The following RAB5B variants were observed in gnomAD, a reference collection of about 807,000 sequenced individuals.
The protein encoded by RAB5B is ras-related protein Rab-5B.
RAB5B carries 11 observed loss-of-function variants against 28.6 expected under a neutral mutation model. The observed-to-expected ratio is 0.38, with a 90% CI of 0.24 to 0.64. The LOEUF is 0.64. RAB5B is among the 30% of genes least tolerant of loss of function. The probability of loss-of-function intolerance (pLI) is 0.53; values close to 1 mark genes in which losing one functional copy is unlikely to be tolerated. For missense variants in RAB5B, 169 were observed against 265.6 expected, an observed-to-expected ratio of 0.64 and a Z score of 2.53; for synonymous variants, 93 against 97.9, an observed-to-expected ratio of 0.95 and a Z score of 0.29.
intron 1 of RAB5B, among the ~76,000 whole-genome samples, chr12:55,977,105 G>A (rs911180398): frequency 6.6e-6 from 1 of 152,074 alleles, no homozygotes; most frequent in African/African-American, 2.4e-5. Flanking sequence ...CTCCAGAGTA[G>A]CTGGGATTAC....
chr12:55,981,361 G>A (rs1473696861), intron 1 of RAB5B, among the ~76,000 whole-genome samples: 4 of 152,066 alleles, frequency 2.6e-5, no homozygotes, highest in Non-Finnish European at 5.9e-5. Flanking sequence ...ACCACGCCTA[G>A]CCCAAATTGA....
At chr12:55,979,438 G>C (rs1294750475) in intron 1 of RAB5B, 1 of 152,164 alleles carries the variant, frequency 6.6e-6, no homozygotes, top group Non-Finnish European at 1.5e-5. Context: ...AGATTTTGGT[G>C]ACTTGGGTTT....
intron 1 of RAB5B, chr12:55,985,676 C>T (rs768758761): frequency 4.4e-6 from 2 of 455,842 alleles, no homozygotes; most frequent in South Asian, 3.1e-5. Context: ...TGCTTGCAGA[C>T]TTAACGCCCT....
Position 55,991,391 on chromosome 12 carries a change from T to C in RAB5B, c.470T>C (p.Leu157Ser). 6.2e-7 allele frequency: 1 copy of C among 1,614,050 alleles called. No homozygotes were observed. The highest frequency in any genetic ancestry group is 8.5e-7 in the Non-Finnish European group (1 of 1,179,960). ...EAQAYADDNS[L>S]LFMETSAKTA... Reference sequence around the variant, plus strand: ...CAGGCATATGCAGATGACAACAGCTTATTGTTCATGGAGACTTCAGCCAAG... The same window carrying C: ...CAGGCATATGCAGATGACAACAGCTCATTGTTCATGGAGACTTCAGCCAAG... The change falls in exon 5 of 6, where the codon TTA (leucine) becomes TCA (serine). Residue 157 changes from leucine to serine, a missense_variant. Around this residue, in one of 3 missense-constraint regions of RAB5B, gnomAD observed 123 missense variants for 162.4 expected, o/e 0.76. Transcript: ENST00000360299.
intron 3 of RAB5B, 66 bp downstream of exon 3, chr12:55,990,164 CTT>C (rs1890067711): frequency 6.7e-7 from 1 of 1,489,788 alleles, no homozygotes; most frequent in East Asian, 2.4e-5. Flanking sequence ...AATCCCAACA[CTT>C]TAGGATGCCA....
intron 1 of RAB5B, among the ~76,000 whole-genome samples, chr12:55,977,214 A>T (rs1889670190): frequency 6.6e-6 from 1 of 151,974 alleles, no homozygotes; most frequent in Non-Finnish European, 1.5e-5. Context: ...ACCTCAGGTG[A>T]TCCACGTGCC....
intron 1 of RAB5B, chr12:55,980,493 C>T (rs62621109): frequency 2.3e-5 from 37 of 1,591,070 alleles, no homozygotes; most frequent in African/African-American, 8.1e-5. Flanking sequence ...GGCTTGTTGC[C>T]GTTTCCTGAT....
chr12:55,978,934 A>T (rs1042211175), intron 1 of RAB5B, among the ~76,000 whole-genome samples: 1 of 151,974 alleles, frequency 6.6e-6, no homozygotes, highest in Admixed American at 6.6e-5. Context: ...CAACATGCCC[A>T]GCTAATTTTT....
rs1213643393 is a variant in RAB5B, at chr12:55,995,840, C to G, written c.*3628C>G. On this transcript the variant is annotated 3_prime_UTR_variant, in exon 6 of 6. Transcript: ENST00000360299. ...GTAGATGACACTATTAGGAAGGAGG[C>G]TTTTAGATAGTCCCTAACTGACTTC... is the stretch of plus-strand genomic sequence containing the variant. The G allele has an allele frequency of 6.7e-6, 1 of 149,578 alleles. No homozygotes were observed. The highest frequency in any genetic ancestry group is 1.5e-5 in the Non-Finnish European group (1 of 67,656). 9.3% of individuals were successfully genotyped at this position (149,578 alleles called of 1,614,324 possible).
chr12:55,978,414 G>A (rs960324491), intron 1 of RAB5B, among the ~76,000 whole-genome samples: 4 of 152,068 alleles, frequency 2.6e-5, no homozygotes, highest in Admixed American at 6.5e-5. Flanking sequence ...TGAAGCAGGA[G>A]AATGGCGTGA....
Position 55,992,650 on chromosome 12 carries a change from G to A in RAB5B, c.*438G>A, listed in dbSNP as rs1890170350. On this transcript the variant is annotated 3_prime_UTR_variant, in exon 6 of 6. Transcript: ENST00000360299. ...CTCTCCCCAGGATGCAGAAAGTGGT[G>A]AACCCAGGAACTGAGGAAGGAGGTT... 7.4e-6 allele frequency: 3 copies of A among 405,750 alleles called. No individual in the cohort carries two copies. Among genetic ancestry groups the A allele is most frequent in the Non-Finnish European group, 1.4e-5 (3 of 213,790 alleles). 25.1% of individuals were successfully genotyped at this position (405,750 alleles called of 1,614,324 possible). A position where few individuals can be genotyped will look rare whatever the true frequency, so the allele number is the denominator to read the frequency against.
intron 1 of RAB5B, among the ~76,000 whole-genome samples, chr12:55,979,104 C>T (rs780078380): frequency 1.1e-4 from 17 of 151,976 alleles, no homozygotes; most frequent in Non-Finnish European, 2.1e-4. Flanking sequence ...TGGGACCCTA[C>T]GGGCCTCTAG....
In RAB5B at chr12:55,990,025, G is replaced by A. The variant is rs1333495283; in HGVS notation, c.242G>A (p.Arg81Gln). Reference protein sequence around the residue: ...FEIWDTAGQERYHSLAPMYYR... With the variant: ...FEIWDTAGQEQYHSLAPMYYR... ...ATCTGGGACACAGCTGGGCAGGAGCGATATCACAGCTTAGCCCCCATGTAC... is the reference window on the plus strand; with the variant it reads ...ATCTGGGACACAGCTGGGCAGGAGCAATATCACAGCTTAGCCCCCATGTAC... Residue 81 changes from arginine (R) to glutamine (Q), a missense_variant, in exon 3 of 6, where the codon CGA becomes CAA. By Grantham distance (43) the Arg-to-Gln change is conservative. Transcript: ENST00000360299. The A allele has an allele frequency of 5.0e-6, 8 of 1,613,974 alleles. No individual in the cohort carries two copies. Among genetic ancestry groups the A allele is most frequent in the Non-Finnish European group, 5.9e-6 (7 of 1,179,980 alleles).
At chr12:55,985,486 C>G (rs1285765408) in intron 1 of RAB5B, 1 of 272,570 alleles carries the variant, frequency 3.7e-6, no homozygotes. Flanking sequence ...TGCTAACTTC[C>G]CTTTGAATTT....
intron 3 of RAB5B, 129 bp downstream of exon 3, chr12:55,990,227 G>A (rs1371973342): frequency 9.7e-7 from 1 of 1,030,778 alleles, no homozygotes; most frequent in Admixed American, 2.8e-5. Context: ...GGCCAACATG[G>A]TGAAACCCCG....
intron 1 of RAB5B, among the ~76,000 whole-genome samples, chr12:55,983,860 A>G (rs1042714760): frequency 4.6e-5 from 7 of 151,470 alleles, no homozygotes; most frequent in Admixed American, 2.6e-4. Flanking sequence ...CAGTCTCGCT[A>G]TGTTGCCTAG....
intron 2 of RAB5B, among the ~76,000 whole-genome samples, chr12:55,988,938 T>TTC (rs1477192684): frequency 4.3e-5 from 6 of 138,224 alleles, no homozygotes; most frequent in Non-Finnish European, 4.7e-5. Flanking sequence ...ATTAATTCTT[T>TTC]TTTTTTTTTT....
intron 1 of RAB5B, chr12:55,980,461 A>C: frequency 6.3e-7 from 1 of 1,592,470 alleles, no homozygotes. Flanking sequence ...TTATGTCACA[A>C]GTTTTCAGGT....
chr12:55,986,989 A>T lies in RAB5B; in HGVS notation c.29A>T (p.Asn10Ile), dbSNP rs151173738. MTSRSTARPNGQPQASKICQ... is the reference protein window; with the variant it reads MTSRSTARPIGQPQASKICQ... ...ACTAGCAGAAGCACAGCTAGGCCCA[A>T]TGGGCAACCCCAGGCCAGCAAAATT... Residue 10 changes from asparagine to isoleucine, a missense_variant, in exon 2 of 6, where the codon AAT becomes ATT. By Grantham distance (149) the Asn-to-Ile change is moderately radical (BLOSUM62 -3). Transcript: ENST00000360299. 8.8e-6 allele frequency: 13 copies of T among 1,484,844 alleles called. No homozygotes were observed. Among genetic ancestry groups the T allele is most frequent in the African/African-American group, 1.5e-5 (1 of 68,314 alleles). The allele number at this position is 1,484,844 out of a possible 1,614,324, so 92.0% of individuals were successfully genotyped here.
Sources: allele counts gnomAD v4.1 joint callset (sites outside exome capture counted in the v4.1 genomes callset), GRCh38; gene constraint gnomAD v4.1.1; regional missense constraint gnomAD v4.1.1; transcripts MANE v1.5; gene names NCBI Gene and HGNC (gene_info 2026-07-23, HGNC 2026-07-21).